Variants in GIN1 observed in about 807,000 individuals in gnomAD.
The protein encoded by GIN1 is gypsy retrotransposon integrase 1, also known as gypsy retrotransposon integrase-like protein 1.
A neutral mutation model predicts 51.4 loss-of-function variants in GIN1; 41 were observed. The ratio of observed to expected loss-of-function variants is 0.80; its 90% CI spans 0.62 to 1.04. GIN1 has a LOEUF of 1.04. Among genes scored for constraint, GIN1 ranks in the 50% least tolerant of loss-of-function variants. The pLI is 0.00. For synonymous variants in GIN1, 222 were observed against 206.5 expected, an observed-to-expected ratio of 1.07 and a Z score of -0.64; for missense variants, 610 against 612.4, an observed-to-expected ratio of 1.00 and a Z score of 0.04.
intron 7 of GIN1, among the ~76,000 whole-genome samples, 199 bp from the exon 8 acceptor site, chr5:103,088,371 T>C (rs1284521322): frequency 1.3e-5 from 2 of 152,184 alleles, no homozygotes; most frequent in African/African-American, 2.4e-5. Context: ...AGTTCATACA[T>C]AAACAATGCA....
intron 1 of GIN1, among the ~76,000 whole-genome samples, chr5:103,119,691 CA>C (rs782200912): frequency 9.9e-5 from 15 of 152,204 alleles, no homozygotes; most frequent in Middle Eastern, 6.8e-3. Flanking sequence ...CAACGCCGGC[CA>C]AAAGTGCTTA....
intron 7 of GIN1, among the ~76,000 whole-genome samples, chr5:103,088,442 T>C (rs553810639): frequency 3.9e-4 from 59 of 152,104 alleles, no homozygotes; most frequent in Non-Finnish European, 7.2e-4. Context: ...CTTTGGTAGA[T>C]ATGTATATAT....
rs375799572 is a variant in GIN1 at position 103,118,623 on chromosome 5, A to G, written c.-8+1441T>C. Reference sequence around the variant, plus strand: ...GGTTCTGGAGGTAGAGAGACAGATGACAAGGAGAAATAGAAAATGCGTAAG... The same window carrying G: ...GGTTCTGGAGGTAGAGAGACAGATGGCAAGGAGAAATAGAAAATGCGTAAG... On this transcript the variant is annotated intron_variant, in intron 1 of 7. Transcript: ENST00000399004. Among the ~76,000 whole-genome samples, 7 of 152,182 alleles carry G rather than the reference A, an allele frequency of 4.6e-5. No individual in the cohort carries two copies. In the East Asian group the frequency reaches 7.7e-4, roughly 17 times the overall value.
intron 7 of GIN1, among the ~76,000 whole-genome samples, chr5:103,094,641 C>T (rs1457866868): frequency 1.3e-5 from 2 of 152,010 alleles, no homozygotes; most frequent in African/African-American, 4.8e-5. Context: ...CCTGGTTTAG[C>T]AAAATTTTAA....
intron 4 of GIN1, among the ~76,000 whole-genome samples, chr5:103,098,605 T>A (rs1032672340): frequency 6.6e-6 from 1 of 152,222 alleles, no homozygotes; most frequent in East Asian, 1.9e-4. Context: ...ACTACAGGCA[T>A]GTGTCACCAT....
At chr5:103,097,528 A>G (rs1369089612) in intron 5 of GIN1, 38 bp from the exon 6 acceptor site, 1 of 1,487,614 alleles carries the variant, frequency 6.7e-7, no homozygotes, top group Non-Finnish European at 9.3e-7. Context: ...TTGTAATAAA[A>G]CATTTATCTG....
intron 1 of GIN1, among the ~76,000 whole-genome samples, chr5:103,111,411 GTCTAAGCAAT>G (rs1445941282): frequency 6.6e-6 from 1 of 152,090 alleles, no homozygotes; most frequent in Non-Finnish European, 1.5e-5. Flanking sequence ...GTCACAAATC[GTCTAAGCAAT>G]CCAAAGGAAA....
chr5:103,104,673 G>C lies in GIN1; in HGVS notation c.507C>G (p.Thr169=). 6.2e-7 allele frequency: 1 copy of C among 1,611,904 alleles called. No individual in the cohort carries two copies. Among genetic ancestry groups the C allele is most frequent in the Non-Finnish European group, 8.5e-7 (1 of 1,178,070 alleles). Residue 169 remains threonine, a synonymous_variant, in exon 4 of 8, where the codon ACC becomes ACG. Coordinates refer to ENST00000399004, the MANE Select transcript of GIN1 (RefSeq NM_017676.2). ...VYAIIMTDLF[T]KWIVILPLCD... ...ATAGAGGCAAAATCACAATCCATTTGGTGAACAAATCTGTCATGATTATAG... is the reference window on the plus strand; with the variant it reads ...ATAGAGGCAAAATCACAATCCATTTCGTGAACAAATCTGTCATGATTATAG...
chr5:103,119,777 C>T lies in GIN1; in HGVS notation c.-8+287G>A, dbSNP rs145081256. ...ACGGAATCTTAAGGGCAAGGTCCAA[C>T]CACACTCAGAATCAGCAGGAAAATG... On this transcript the variant is annotated intron_variant, in intron 1 of 7. Coordinates refer to ENST00000399004, the MANE Select transcript of GIN1 (RefSeq NM_017676.2). Among the ~76,000 whole-genome samples the T allele has an allele frequency of 3.3e-5, 5 of 152,274 alleles. No homozygotes were observed. The East Asian group carries it at 9.6e-4, about 29-fold the overall frequency.
At chr5:103,101,091 A>G (rs1554195740) in intron 4 of GIN1, among the ~76,000 whole-genome samples, 2 of 152,218 alleles carry the variant, frequency 1.3e-5, no homozygotes, top group Admixed American at 1.3e-4. Flanking sequence ...TAAGAGGTTA[A>G]CAACTAAAAA....
At chr5:103,095,179 C>A (rs529350989) in intron 7 of GIN1, among the ~76,000 whole-genome samples, 2 of 152,214 alleles carry the variant, frequency 1.3e-5, no homozygotes, top group African/African-American at 4.8e-5. Flanking sequence ...TTACTTATAT[C>A]CAAATAATAT....
rs1453139020 is a variant in GIN1 at position 103,087,358 on chromosome 5, CCTAT to C, written c.*536_*539del. The C allele has an allele frequency of 1.3e-5, 2 of 152,134 alleles. No homozygotes were observed. The highest frequency in any genetic ancestry group is 2.4e-5 in the African/African-American group (1 of 41,414). 9.4% of individuals were successfully genotyped at this position (152,134 alleles called of 1,614,324 possible). On this transcript the variant is annotated 3_prime_UTR_variant, in exon 8 of 8. Transcript: ENST00000399004. ...CATAGTTTCAGACCCTAATCCTGAC[CCTAT>C]CTAACCAATTAGATAATTTGAAATT...
chr5:103,088,728 A>C (rs1333312877), intron 7 of GIN1, among the ~76,000 whole-genome samples: 2 of 152,124 alleles, frequency 1.3e-5, no homozygotes, highest in Non-Finnish European at 2.9e-5. Flanking sequence ...TGGGAGATTG[A>C]GGTTGCAGTG....
rs1554194138 is a variant in GIN1, at chr5:103,088,126, G to A, written c.1341C>T (p.Tyr447=). Residue 447 remains tyrosine (Y), a synonymous_variant, in exon 8 of 8, where the codon TAC becomes TAT. Transcript: ENST00000399004. ...CAATCGGAATTTCAGGCAATCCAATGTAGTCATGATCTGCCACTACTGAAC... is the reference window on the plus strand; with the variant it reads ...CAATCGGAATTTCAGGCAATCCAATATAGTCATGATCTGCCACTACTGAAC... The part of the protein sequence containing the change: ...LQGSVVADHD[Y]IGLPEIPIGA... The A allele has an allele frequency of 2.5e-6, 4 of 1,608,042 alleles. No individual in the cohort carries two copies. The highest frequency in any genetic ancestry group is 2.2e-5 in the South Asian group (2 of 90,688).
chr5:103,097,313 C>A lies in GIN1; in HGVS notation c.1008+1G>T. 6.4e-7 allele frequency: 1 copy of A among 1,557,314 alleles called. No homozygotes were observed. The highest frequency in any genetic ancestry group is 8.8e-7 in the Non-Finnish European group (1 of 1,133,226). On this transcript the variant is annotated splice_donor_variant, in intron 6 of 7. Coordinates refer to ENST00000399004, the MANE Select transcript of GIN1 (RefSeq NM_017676.2). LOFTEE classifies it high-confidence loss of function. ...ACAGTTTTTCTATTGAATAGAATCACCTGGCCCAGTGAAGTTGTCTTATTC... is the reference window on the plus strand; with the variant it reads ...ACAGTTTTTCTATTGAATAGAATCAACTGGCCCAGTGAAGTTGTCTTATTC...
intron 1 of GIN1, among the ~76,000 whole-genome samples, chr5:103,113,841 T>C (rs1787951436): frequency 6.6e-6 from 1 of 152,156 alleles, no homozygotes; most frequent in African/African-American, 2.4e-5. Flanking sequence ...AACCTCTTAA[T>C]ACCATCACCT....
intron 1 of GIN1, among the ~76,000 whole-genome samples, chr5:103,118,948 A>C (rs565017200): frequency 3.4e-4 from 52 of 152,292 alleles, no homozygotes; most frequent in African/African-American, 1.2e-3. Flanking sequence ...AATTTCTCTT[A>C]AAATCATTAC....
intron 4 of GIN1, among the ~76,000 whole-genome samples, chr5:103,103,294 A>C (rs2151469941): frequency 6.6e-6 from 1 of 152,354 alleles, no homozygotes; most frequent in East Asian, 1.9e-4. Flanking sequence ...GTGTAACTCC[A>C]CTGGGGAAGG....
intron 1 of GIN1, among the ~76,000 whole-genome samples, chr5:103,113,472 T>C (rs1029282306): frequency 6.6e-6 from 1 of 151,714 alleles, no homozygotes. Flanking sequence ...CTAATCCCAT[T>C]AATGAGAGCT....
Sources: gnomAD v4.1 joint callset for allele counts (sites outside exome capture counted in the v4.1 genomes callset) on GRCh38, gnomAD v4.1.1 for gene constraint, MANE v1.5 for transcripts, NCBI Gene and HGNC (gene_info 2026-07-23, HGNC 2026-07-21) for gene names.